ARHGEF11: variants seen among roughly 807,000 people sequenced by gnomAD.
ARHGEF11 encodes Rho guanine nucleotide exchange factor 11, also known as Rho guanine exchange factor (GEF) 11.
A neutral mutation model predicts 193.7 loss-of-function variants in ARHGEF11; 55 were observed. That is an observed-to-expected ratio of 0.28 (90% confidence interval 0.23 to 0.36). ARHGEF11 has a LOEUF of 0.36. ARHGEF11 is among the 10% of genes least tolerant of loss of function. ARHGEF11 has a pLI of 1.00. For synonymous variants in ARHGEF11, 693 were observed against 768.0 expected, an observed-to-expected ratio of 0.90 and a Z score of 1.62; for missense variants, 1,723 against 2,005.6, an observed-to-expected ratio of 0.86 and a Z score of 2.69.
intron 11 of ARHGEF11, among the ~76,000 whole-genome samples, chr1:156,966,815 T>A (rs1013648744): frequency 3.3e-5 from 5 of 152,228 alleles, no homozygotes; most frequent in Non-Finnish European, 5.9e-5. Flanking sequence ...TGACAAGCAA[T>A]AGAATTGATC....
chr1:157,044,593 A>C lies in ARHGEF11; in HGVS notation c.-263T>G, dbSNP rs1673146379. 4.0e-6 allele frequency: 2 copies of C among 504,096 alleles called. No homozygotes were observed. The highest frequency in any genetic ancestry group is 6.8e-5 in the Admixed American group (2 of 29,318). 31.2% of individuals were successfully genotyped at this position (504,096 alleles called of 1,614,324 possible). A position where few individuals can be genotyped will look rare whatever the true frequency, so the allele number is the denominator to read the frequency against. ...AAAGAAAAAAGAAAAAAAAAGGAAA[A>C]GAGGAAAAACTACGACCTTCTCAGA... On this transcript the variant is annotated 5_prime_UTR_variant, in exon 1 of 41. Coordinates refer to ENST00000368194, the MANE Select transcript of ARHGEF11 (RefSeq NM_198236.3).
At chr1:157,011,475 T>A (rs1411347844) in intron 1 of ARHGEF11, among the ~76,000 whole-genome samples, 1 of 152,030 alleles carries the variant, frequency 6.6e-6, no homozygotes, top group Non-Finnish European at 1.5e-5. Flanking sequence ...AGAAAAAATA[T>A]ATAAAAACTG....
At chr1:156,936,113 CAT>C (rs758723012) in intron 40 of ARHGEF11, 55 bp from the exon 41 acceptor site, 14 of 1,555,598 alleles carry the variant, frequency 9.0e-6, no homozygotes, top group Middle Eastern at 1.7e-4. Context: ...ACCGCTTCCA[CAT>C]GTTTTGTCTA....
At chr1:156,957,548 C>T (rs1660141688) in intron 18 of ARHGEF11, among the ~76,000 whole-genome samples, 1 of 152,204 alleles carries the variant, frequency 6.6e-6, no homozygotes, top group African/African-American at 2.4e-5. Flanking sequence ...AGCTTGGTGT[C>T]TTCCCACTGA....
At position 156,984,368 on chromosome 1, in the gene ARHGEF11, C is replaced by A. The variant is rs766437692; in HGVS notation, c.194G>T (p.Arg65Leu). 8.1e-6 allele frequency: 13 copies of A among 1,595,434 alleles called. No homozygotes were observed. Among genetic ancestry groups the A allele is most frequent in the Middle Eastern group, 1.7e-4 (1 of 5,854 alleles). The change falls in exon 3 of 41, where the codon CGC (arginine) becomes CTC (leucine). Residue 65 changes from arginine to leucine, a missense_variant. By Grantham distance (102) the Arg-to-Leu change is moderately radical (BLOSUM62 -2). Transcript: ENST00000368194. ...HGFGFTVSGD[R>L]IVLVQSVRPG... The stretch of plus-strand genomic sequence containing the variant: ...CCGCACAGACTGCACCAGAACAATG[C>A]GATCCCCACTGACTGTGAAGCCGAA...
chr1:156,937,301 C>T lies in ARHGEF11; in HGVS notation c.4388G>A (p.Gly1463Asp). The T allele has an allele frequency of 6.2e-7, 1 of 1,613,924 alleles. No homozygotes were observed. Among genetic ancestry groups the T allele is most frequent in the South Asian group, 1.1e-5 (1 of 91,066 alleles). ...CTGCTCAATGGTATGGAAGATCATG[C>T]CCACGTCCCTGAGGGCCAGGCTTGG... Reference protein sequence around the residue: ...SPPSLALRDVGMIFHTIEQLT... With the variant: ...SPPSLALRDVDMIFHTIEQLT... The change falls in exon 39 of 41, where the codon GGC (glycine) becomes GAC (aspartate). Residue 1463 changes from glycine to aspartate, a missense_variant. Physicochemically the swap from Gly to Asp is moderately conservative, Grantham distance 94 (BLOSUM62 -1). Around this residue, in one of 5 missense-constraint regions of ARHGEF11, gnomAD observed 360 missense variants for 344.4 expected, o/e 1.05. Transcript: ENST00000368194.
chr1:157,010,864 G>A (rs937598004), intron 1 of ARHGEF11, among the ~76,000 whole-genome samples: 2 of 151,896 alleles, frequency 1.3e-5, no homozygotes, highest in Non-Finnish European at 1.5e-5. Flanking sequence ...AAAATATCAC[G>A]GAAAACAATT....
At chr1:156,970,092 C>G (rs778465255) in intron 8 of ARHGEF11, 49 bp from the exon 9 acceptor site, 12 of 1,559,342 alleles carry the variant, frequency 7.7e-6, no homozygotes, top group African/African-American at 6.8e-5. Flanking sequence ...AGCCTCTCCC[C>G]CTACGGTTTT....
At chr1:157,021,489 G>A (rs1423786224) in intron 1 of ARHGEF11, among the ~76,000 whole-genome samples, 1 of 152,136 alleles carries the variant, frequency 6.6e-6, no homozygotes, top group Non-Finnish European at 1.5e-5. Context: ...TCCTGATTAG[G>A]TGGTCATGTA....
intron 32 of ARHGEF11, 39 bp downstream of exon 32, chr1:156,943,896 C>T (rs377409944): frequency 1.2e-4 from 184 of 1,581,944 alleles, no homozygotes; most frequent in Middle Eastern, 1.7e-4. Flanking sequence ...GGACATGGTC[C>T]CTGAGCCCCA....
Position 157,045,277 on chromosome 1 carries a change from A to G in ARHGEF11, c.-947T>C, listed in dbSNP as rs978719773. 1 of 152,176 alleles carries G rather than the reference A, an allele frequency of 6.6e-6. No homozygotes were observed. The highest frequency in any genetic ancestry group is 1.5e-5 in the Non-Finnish European group (1 of 68,046). The allele number at this position is 152,176 out of a possible 1,614,324, so 9.4% of individuals were successfully genotyped here. A position where few individuals can be genotyped will look rare whatever the true frequency, so the allele number is the denominator to read the frequency against. The stretch of plus-strand genomic sequence containing the variant: ...CCTACGTTCGGCCTTTTTCTGAAAG[A>G]CAATTTCCTGAGTTAGTTCTGCTGT... On this transcript the variant is annotated 5_prime_UTR_variant, in exon 1 of 41. Transcript: ENST00000368194.
Position 156,997,241 on chromosome 1 carries a change from G to A in ARHGEF11, c.33-11068C>T, listed in dbSNP as rs114214099. Among the ~76,000 whole-genome samples, 194 of 152,152 alleles carry A rather than the reference G, an allele frequency of 1.3e-3. 3 individuals carry two copies. The highest frequency in any genetic ancestry group is 4.1e-3 in the African/African-American group (171 of 41,524). On this transcript the variant is annotated intron_variant, in intron 1 of 40. Transcript: ENST00000368194. ...CCTACCTATCTCACACAGCTGCTGTGAGAATTAAGTGGGATAAAGTATGTC... is the reference window on the plus strand; with the variant it reads ...CCTACCTATCTCACACAGCTGCTGTAAGAATTAAGTGGGATAAAGTATGTC...
intron 4 of ARHGEF11, among the ~76,000 whole-genome samples, chr1:156,980,087 T>C (rs1663904263): frequency 6.6e-6 from 1 of 152,262 alleles, no homozygotes; most frequent in South Asian, 2.1e-4. Context: ...TGGCATTATA[T>C]GGAGGAAAGA....
chr1:157,035,158 G>A (rs953356252), intron 1 of ARHGEF11, among the ~76,000 whole-genome samples: 1 of 152,158 alleles, frequency 6.6e-6, no homozygotes, highest in South Asian at 2.1e-4. Context: ...TTCTAGCAAA[G>A]GATCTGCTTT....
intron 35 of ARHGEF11, among the ~76,000 whole-genome samples, chr1:156,940,719 AAAC>A (rs1656662330): frequency 6.6e-6 from 1 of 152,204 alleles, no homozygotes; most frequent in Non-Finnish European, 1.5e-5. Context: ...GGAAAGAAGA[AAAC>A]AACAACAGGG....
intron 1 of ARHGEF11, among the ~76,000 whole-genome samples, chr1:157,035,181 T>G (rs1362455952): frequency 6.6e-6 from 1 of 152,130 alleles, no homozygotes; most frequent in Non-Finnish European, 1.5e-5. Context: ...GATGAGCGCT[T>G]AGGCCCCTCA....
At chr1:156,941,467 A>T (rs1273350885) in intron 34 of ARHGEF11, 34 bp from the exon 35 acceptor site, 2 of 1,606,166 alleles carry the variant, frequency 1.2e-6, no homozygotes, top group Non-Finnish European at 1.7e-6. Flanking sequence ...ATGAGATCCC[A>T]TGAGATTCCA....
chr1:157,009,891 G>C (rs1469747620), intron 1 of ARHGEF11, among the ~76,000 whole-genome samples: 1 of 152,142 alleles, frequency 6.6e-6, no homozygotes, highest in East Asian at 1.9e-4. Context: ...ATCTCAATCT[G>C]AACCTCTCTT....
At chr1:157,021,095 T>C (rs1271314836) in intron 1 of ARHGEF11, among the ~76,000 whole-genome samples, 2 of 152,218 alleles carry the variant, frequency 1.3e-5, no homozygotes, top group African/African-American at 4.8e-5. Context: ...TTCTCAGCAA[T>C]TACAGTCTCT....
Sources: gnomAD v4.1 joint callset for allele counts (sites outside exome capture counted in the v4.1 genomes callset) on GRCh38, gnomAD v4.1.1 for gene constraint, gnomAD v4.1.1 regional missense constraint, MANE v1.5 for transcripts, NCBI Gene and HGNC (gene_info 2026-07-23, HGNC 2026-07-21) for gene names.